The following EFCAB6 variants were observed in gnomAD, a reference collection of about 807,000 sequenced individuals.
The protein encoded by EFCAB6 is EF-hand calcium binding domain 6.
In EFCAB6, 156 loss-of-function variants were observed where a neutral mutation model predicts 169.8. That is an observed-to-expected ratio of 0.92 (90% CI 0.81 to 1.05). The LOEUF is 1.05. EFCAB6 is among the 50% of genes least tolerant of loss of function. The pLI, the probability that EFCAB6 is intolerant of heterozygous loss-of-function variation, is 0.00. For synonymous variants in EFCAB6, 698 were observed against 676.4 expected, an observed-to-expected ratio of 1.03 and a Z score of -0.50; for missense variants, 1,800 against 1,829.1, an observed-to-expected ratio of 0.98 and a Z score of 0.29.
chr22:43,667,176 CG>C lies in EFCAB6; in HGVS notation c.1910del (p.Pro637ArgfsTer42). The C allele has an allele frequency of 6.2e-7, 1 of 1,613,924 alleles. No individual in the cohort carries two copies. Among genetic ancestry groups the C allele is most frequent in the Non-Finnish European group, 8.5e-7 (1 of 1,179,970 alleles). ...AGTCAAGAAATCGTTTTTTGAATGC[CG>C]GGTCCTGCTGCTGTATACACTTTTT... Reference protein sequence around the residue: ...KFKKCIQQQDPAFKKRFLDFS... With the variant: ...KFKKCIQQQDXAFKKRFLDFS... On this transcript the variant is annotated frameshift_variant, in exon 17 of 32. Transcript: ENST00000262726. LOFTEE classifies it high-confidence loss of function.
chr22:43,622,746 AAGAGAGAGAG>A (rs201583183), intron 20 of EFCAB6, among the ~76,000 whole-genome samples: 3 of 151,000 alleles, frequency 2.0e-5, no homozygotes, highest in African/African-American at 7.3e-5. Context: ...TGTGCTAAAA[AAGAGAGAGAG>A]AGAGAGATAA....
At chr22:43,544,915 G>T (rs543491779) in intron 27 of EFCAB6, among the ~76,000 whole-genome samples, 2 of 152,174 alleles carry the variant, frequency 1.3e-5, no homozygotes, top group East Asian at 1.9e-4. Context: ...GAGGTCAGGA[G>T]ATCGAGACCA....
intron 5 of EFCAB6, among the ~76,000 whole-genome samples, chr22:43,760,324 A>G (rs932259655): frequency 6.6e-6 from 1 of 152,200 alleles, no homozygotes; most frequent in Non-Finnish European, 1.5e-5. Context: ...ATTATCTTAT[A>G]GCCTTCACTG....
intron 17 of EFCAB6, among the ~76,000 whole-genome samples, chr22:43,648,195 C>G (rs1003532824): frequency 6.6e-5 from 10 of 152,068 alleles, no homozygotes; most frequent in Non-Finnish European, 1.2e-4. Flanking sequence ...CTACTATTAT[C>G]TCCATTTTAG....
intron 3 of EFCAB6, among the ~76,000 whole-genome samples, chr22:43,779,510 G>C (rs905156282): frequency 6.6e-6 from 1 of 152,186 alleles, no homozygotes; most frequent in African/African-American, 2.4e-5. Flanking sequence ...GGGAGGCCGA[G>C]GTGGGCGGAT....
intron 11 of EFCAB6, 95 bp from the exon 12 acceptor site, chr22:43,683,950 A>C (rs1778214544): frequency 1.1e-6 from 1 of 897,210 alleles, no homozygotes. Context: ...ACCACAATAC[A>C]GTAGAGCTTT....
chr22:43,778,196 A>T (rs1311488669), intron 3 of EFCAB6, among the ~76,000 whole-genome samples: 4 of 152,362 alleles, frequency 2.6e-5, no homozygotes, highest in Non-Finnish European at 5.9e-5. Context: ...ACGACCCAGT[A>T]TTTAGCAGCC....
At chr22:43,565,271 A>T (rs574212309) in intron 26 of EFCAB6, among the ~76,000 whole-genome samples, 1 of 152,366 alleles carries the variant, frequency 6.6e-6, no homozygotes, top group Admixed American at 6.5e-5. Context: ...CCTAGCGAAG[A>T]TGGCAGAGCT....
At chr22:43,691,648 AAAC>A (rs1569398443) in intron 10 of EFCAB6, among the ~76,000 whole-genome samples, 1 of 152,216 alleles carries the variant, frequency 6.6e-6, no homozygotes, top group East Asian at 1.9e-4. Context: ...TTTAAAAGCC[AAAC>A]AACAGATTAA....
chr22:43,769,384 T>TGAG (rs536289025), intron 4 of EFCAB6, among the ~76,000 whole-genome samples: 20 of 152,206 alleles, frequency 1.3e-4, no homozygotes, highest in Non-Finnish European at 2.1e-4. Flanking sequence ...TTTGGAATGA[T>TGAG]GAAAACGGTT....
intron 17 of EFCAB6, among the ~76,000 whole-genome samples, chr22:43,644,026 G>A (rs1449698443): frequency 6.6e-6 from 1 of 152,002 alleles, no homozygotes; most frequent in Non-Finnish European, 1.5e-5. Flanking sequence ...GTTTCACCAT[G>A]TTGGCCCGGC....
chr22:43,618,206 G>GAAAGAA (rs2147751074), intron 20 of EFCAB6, among the ~76,000 whole-genome samples: 1 of 142,258 alleles, frequency 7.0e-6, no homozygotes, highest in South Asian at 2.4e-4. Flanking sequence ...AAGAAAGAAA[G>GAAAGAA]AAAGAAAGAA....
At chr22:43,702,615 T>C (rs2058808326) in intron 10 of EFCAB6, among the ~76,000 whole-genome samples, 1 of 152,042 alleles carries the variant, frequency 6.6e-6, no homozygotes, top group African/African-American at 2.4e-5. Flanking sequence ...CCCATTCCCA[T>C]CTCACCTCAA....
chr22:43,633,102 G>T (rs991269156), intron 18 of EFCAB6, among the ~76,000 whole-genome samples: 3 of 152,188 alleles, frequency 2.0e-5, no homozygotes, highest in African/African-American at 7.2e-5. Context: ...CTAGGGGGTG[G>T]TGAGGCTCAG....
chr22:43,716,704 G>T, intron 9 of EFCAB6, 144 bp downstream of exon 9: 2 of 886,188 alleles, frequency 2.3e-6, no homozygotes, highest in East Asian at 3.0e-5. Flanking sequence ...GTTATTGGGA[G>T]GTAGAGGGGG....
chr22:43,624,714 G>A (rs988833944), intron 20 of EFCAB6, among the ~76,000 whole-genome samples: 2 of 152,062 alleles, frequency 1.3e-5, no homozygotes, highest in East Asian at 1.9e-4. Context: ...TCTCATACTC[G>A]ACCCTGAGCC....
chr22:43,721,063 G>T (rs1569439760), intron 8 of EFCAB6, among the ~76,000 whole-genome samples: 3 of 152,108 alleles, frequency 2.0e-5, no homozygotes, highest in Admixed American at 1.3e-4. Flanking sequence ...AAAATCAGTG[G>T]CATTTCTATA....
chr22:43,529,028 G>T, intron 31 of EFCAB6, 53 bp from the exon 32 acceptor site: 1 of 1,513,634 alleles, frequency 6.6e-7, no homozygotes, highest in Non-Finnish European at 9.0e-7. Context: ...CCTAGGTTAA[G>T]GAGGCAGGCT....
chr22:43,529,100 C>T, intron 31 of EFCAB6, 125 bp from the exon 32 acceptor site: 1 of 1,137,478 alleles, frequency 8.8e-7, no homozygotes, highest in Non-Finnish European at 1.2e-6. Context: ...ATGTCAGCCT[C>T]CCATCTGTGC....
Sources: gnomAD v4.1 joint callset for allele counts (sites outside exome capture counted in the v4.1 genomes callset) on GRCh38, gnomAD v4.1.1 for gene constraint, MANE v1.5 for transcripts, NCBI Gene and HGNC (gene_info 2026-07-23, HGNC 2026-07-21) for gene names.